GBA2: variants seen among roughly 807,000 people sequenced by gnomAD.
GBA2 encodes non-lysosomal glucosylceramidase.
Under a neutral mutation model 112.9 loss-of-function variants are expected in GBA2, and 79 were observed. The ratio of observed to expected loss-of-function variants is 0.70; its 90% confidence interval spans 0.58 to 0.84. GBA2 has a LOEUF of 0.84. Among genes scored for constraint, GBA2 ranks in the 40% least tolerant of loss-of-function variants. The pLI is 0.00. For missense variants in GBA2, 1,043 were observed against 1,190.0 expected (o/e 0.88, Z 1.82); for synonymous variants, 403 against 434.3 (o/e 0.93, Z 0.90).
In GBA2 at chr9:35,739,420, C is replaced by G. The variant is rs1390001797; in HGVS notation, c.1583-1G>C. On this transcript the variant is annotated splice_acceptor_variant, in intron 9 of 16. Coordinates refer to ENST00000378103, the MANE Select transcript of GBA2 (RefSeq NM_020944.3). LOFTEE classifies it high-confidence loss of function. The stretch of plus-strand genomic sequence containing the variant: ...GTGTTGTACATGCGGTACTCCTGGC[C>G]TGGAGGAATGAATGAGACACACTGT... 2 of 1,599,618 alleles carry G rather than the reference C, an allele frequency of 1.3e-6. No homozygotes were observed. The highest frequency in any genetic ancestry group is 4.5e-5 in the East Asian group (2 of 44,838).
At chr9:35,739,482 A>T in intron 9 of GBA2, 63 bp from the exon 10 acceptor site, 1 of 1,354,242 alleles carries the variant, frequency 7.4e-7, no homozygotes, top group Non-Finnish European at 1.1e-6. Context: ...ACCCCTCTGT[A>T]GCTTGTCCTC....
At position 35,738,265 on chromosome 9, in the gene GBA2, C is replaced by T; in HGVS notation, c.2164G>A (p.Gly722Ser). The change falls in exon 14 of 17, where the codon GGC (glycine) becomes AGC (serine). Residue 722 changes from glycine (G) to serine (S), a missense_variant. Coordinates refer to ENST00000378103, the MANE Select transcript of GBA2 (RefSeq NM_020944.3). ...AGCAGTCTCTCATAGGCTTCTTGGC[C>T]CCGGCTGAGGATAGAAGAAAACTTA... ...QDKFSSILSR[G>S]QEAYERLLWN... 6.2e-7 allele frequency: 1 copy of T among 1,614,160 alleles called. No individual in the cohort carries two copies. Among genetic ancestry groups the T allele is most frequent in the Admixed American group, 1.7e-5 (1 of 60,024 alleles).
In GBA2 at chr9:35,737,344, C is replaced by G; in HGVS notation, c.2609G>C (p.Arg870Pro). 6.2e-7 allele frequency: 1 copy of G among 1,614,180 alleles called. No individual in the cohort carries two copies. Among genetic ancestry groups the G allele is most frequent in the Middle Eastern group, 1.6e-4 (1 of 6,062 alleles). ...CATGTAGGCCAGTGAGCGGAACACT[C>G]GCTGCTGGCAGTATGCCTCTGGGGT... ...FQTPEAYCQQ[R>P]VFRSLAYMRP... The change falls in exon 17 of 17, where the codon CGA becomes CCA. Residue 870 changes from arginine to proline, a missense_variant. By Grantham distance (103) the Arg-to-Pro change is moderately radical (BLOSUM62 -2). Coordinates refer to ENST00000378103, the MANE Select transcript of GBA2 (RefSeq NM_020944.3). This position sits in a 1 kb window ranked among gnomAD's most constrained non-coding sequence, Gnocchi z 4.1.
intron 2 of GBA2, 78 bp from the exon 3 acceptor site, chr9:35,744,490 T>TTA: frequency 9.3e-7 from 1 of 1,072,246 alleles, no homozygotes; most frequent in Non-Finnish European, 1.5e-6. Context: ...CTATAAAGCC[T>TTA]GGTTCCTCTG....
Position 35,741,453 on chromosome 9 carries a change from C to G in GBA2, c.786+219G>C. 1 of 564,878 alleles carries G rather than the reference C, an allele frequency of 1.8e-6. No homozygotes were observed. The highest frequency in any genetic ancestry group is 2.0e-5 in the South Asian group (1 of 48,822). 35.0% of individuals were successfully genotyped at this position (564,878 alleles called of 1,614,324 possible). A position where few individuals can be genotyped will look rare whatever the true frequency, so the allele number is the denominator to read the frequency against. On this transcript the variant is annotated intron_variant, in intron 4 of 16. Transcript: ENST00000378103. The surrounding 1 kb of genome is among the most constrained non-coding windows in gnomAD (Gnocchi z 4.6). ...GGGACTACAGGTGCCTGCCACAACG[C>G]CCAGCTAATTTTTTTTTTTGTATTT...
At chr9:35,747,346 C>T (rs534959305) in intron 1 of GBA2, among the ~76,000 whole-genome samples, 6 of 152,236 alleles carry the variant, frequency 3.9e-5, no homozygotes, top group African/African-American at 1.4e-4. Context: ...TGGGGTCAAA[C>T]TTGGACTGAA....
rs752958819 is a variant in GBA2 at position 35,737,735 on chromosome 9, A to T, written c.2505+13T>A. ...ATACAGATGGTGGAGAGATGGGAAA[A>T]GGAGTGCATTACCTCTTGGATCATG... On this transcript the variant is annotated intron_variant, in intron 16 of 16. Transcript: ENST00000378103. This position sits in a 1 kb window ranked among gnomAD's most constrained non-coding sequence, Gnocchi z 4.1. The T allele has an allele frequency of 3.1e-6, 5 of 1,612,996 alleles. No individual in the cohort carries two copies. Among genetic ancestry groups the T allele is most frequent in the Non-Finnish European group, 4.2e-6 (5 of 1,178,926 alleles).
rs192573298 is a variant in GBA2, at chr9:35,740,784, G to A, written c.1026+41C>T. ...GAAGAGACCATGCTGGGGTGGAGGT[G>A]GGGTTCAGGGGCTAAGGTATAGGGC... On this transcript the variant is annotated intron_variant, in intron 5 of 16. Transcript: ENST00000378103. The surrounding 1 kb of genome is among the most constrained non-coding windows in gnomAD (Gnocchi z 4.7). The A allele has an allele frequency of 9.3e-6, 15 of 1,607,698 alleles. No individual in the cohort carries two copies. In the East Asian group the frequency reaches 2.9e-4, roughly 31 times the overall value.
intron 3 of GBA2, among the ~76,000 whole-genome samples, chr9:35,742,374 G>A (rs1380630883): frequency 6.6e-6 from 1 of 152,138 alleles, no homozygotes; most frequent in Non-Finnish European, 1.5e-5. Flanking sequence ...TGTTCCTTGA[G>A]CACACTACAT....
intron 3 of GBA2, among the ~76,000 whole-genome samples, chr9:35,742,334 C>G (rs1331033446): frequency 2.6e-5 from 4 of 152,166 alleles, no homozygotes; most frequent in Admixed American, 2.0e-4. Flanking sequence ...TGTTCAAGCA[C>G]CTATAGTCTG....
chr9:35,740,897 A>G lies in GBA2; in HGVS notation c.954T>C (p.Thr318=), dbSNP rs1475210063. The G allele has an allele frequency of 6.2e-7, 1 of 1,613,874 alleles. No homozygotes were observed. The highest frequency in any genetic ancestry group is 8.5e-7 in the Non-Finnish European group (1 of 1,179,898). The change falls in exon 5 of 17, where the codon ACT becomes ACC. Residue 318 remains threonine, a synonymous_variant. Transcript: ENST00000378103. This position sits in a 1 kb window ranked among gnomAD's most constrained non-coding sequence, Gnocchi z 4.7. ...EPFCLERSGE[T]VRGLLLHHPT... is the part of the protein sequence containing the mutation. ...GATGATGCAGGAGCAGCCCCCGGAC[A>G]GTTTCCCCGCTACGCTCCAGACAGA...
chr9:35,741,459 TA>T lies in GBA2; in HGVS notation c.786+212del, dbSNP rs1437627459. ...ACAGGTGCCTGCCACAACGCCCAGC[TA>T]ATTTTTTTTTTTGTATTTTTAGTAG... On this transcript the variant is annotated intron_variant, in intron 4 of 16. Transcript: ENST00000378103. The surrounding 1 kb of genome is among the most constrained non-coding windows in gnomAD (Gnocchi z 4.6). 3.6e-6 allele frequency: 2 copies of T among 561,262 alleles called. No homozygotes were observed. Among genetic ancestry groups the T allele is most frequent in the Non-Finnish European group, 6.4e-6 (2 of 313,056 alleles). 34.8% of individuals were successfully genotyped at this position (561,262 alleles called of 1,614,324 possible). A position where few individuals can be genotyped will look rare whatever the true frequency, so the allele number is the denominator to read the frequency against.
At chr9:35,742,707 C>T (rs1019467025) in intron 3 of GBA2, among the ~76,000 whole-genome samples, 1 of 152,230 alleles carries the variant, frequency 6.6e-6, no homozygotes, top group African/African-American at 2.4e-5. Context: ...CCACAGTATA[C>T]TATCCACCCC....
chr9:35,737,050 A>G lies in GBA2; in HGVS notation c.*119T>C. 6.8e-7 allele frequency: 1 copy of G among 1,464,662 alleles called. No individual in the cohort carries two copies. The allele number at this position is 1,464,662 out of a possible 1,614,324, so 90.7% of individuals were successfully genotyped here. A position where few individuals can be genotyped will look rare whatever the true frequency, so the allele number is the denominator to read the frequency against. On this transcript the variant is annotated 3_prime_UTR_variant, in exon 17 of 17. Coordinates refer to ENST00000378103, the MANE Select transcript of GBA2 (RefSeq NM_020944.3). The surrounding 1 kb of genome is among the most constrained non-coding windows in gnomAD (Gnocchi z 4.1). ...CATTTACTGGCACAATTGGGTGGAG[A>G]GAAGGGAAGGGGTATGATTGTCCTG...
In GBA2 at chr9:35,740,277, G is replaced by A. The variant is rs966842217; in HGVS notation, c.1215C>T (p.Arg405=). 5 of 1,614,020 alleles carry A rather than the reference G, an allele frequency of 3.1e-6. No individual in the cohort carries two copies. The highest frequency in any genetic ancestry group is 3.3e-5 in the Admixed American group (2 of 60,004). Residue 405 remains arginine (R), a synonymous_variant, in exon 7 of 17, where the codon CGC becomes CGT. Transcript: ENST00000378103. This position sits in a 1 kb window ranked among gnomAD's most constrained non-coding sequence, Gnocchi z 4.7. The part of the protein sequence containing the change: ...SSKLRPRGQC[R]LEFSLAWDMP... ...TGTCCCAAGCCAGTGAAAACTCCAGGCGGCACTGGCCTCGAGGTCGCAACT... is the reference window on the plus strand; with the variant it reads ...TGTCCCAAGCCAGTGAAAACTCCAGACGGCACTGGCCTCGAGGTCGCAACT...
rs1563957812 is a variant in GBA2 at position 35,738,760 on chromosome 9, C to T, written c.1939G>A (p.Val647Met). The change falls in exon 12 of 17, where the codon GTG (valine) becomes ATG (methionine). Residue 647 changes from valine (V) to methionine (M), a missense_variant. Coordinates refer to ENST00000378103, the MANE Select transcript of GBA2 (RefSeq NM_020944.3). ...GCATGTGCATCCCTTACTAGACACA[C>T]AGGCCACATGTCCTTCAGGAAGTTT... ...DQNFLKDMWP[V>M]CLAVMESEMK... 6.2e-7 allele frequency: 1 copy of T among 1,614,206 alleles called. No homozygotes were observed. The highest frequency in any genetic ancestry group is 8.5e-7 in the Non-Finnish European group (1 of 1,179,994).
At chr9:35,745,114 T>TA (rs1341747776) in intron 1 of GBA2, among the ~76,000 whole-genome samples, 6 of 152,040 alleles carry the variant, frequency 3.9e-5, no homozygotes. Flanking sequence ...TTATCTTTAT[T>TA]TTTATTATTT....
chr9:35,737,123 G>C lies in GBA2; in HGVS notation c.*46C>G, dbSNP rs1357836094. On this transcript the variant is annotated 3_prime_UTR_variant, in exon 17 of 17. Transcript: ENST00000378103. This position sits in a 1 kb window ranked among gnomAD's most constrained non-coding sequence, Gnocchi z 4.1. ...TCAGAGGGGAAGGAGGAAAGGCCAG[G>C]CTGGAGGCTGGGCTGTTAGCACTTC... 5 of 1,573,790 alleles carry C rather than the reference G, an allele frequency of 3.2e-6. No homozygotes were observed. The Admixed American group carries it at 8.6e-5, about 27-fold the overall frequency.
Position 35,748,885 on chromosome 9 carries a change from AAAG to A in GBA2, c.-184_-182del. 1 of 538,178 alleles carries A rather than the reference AAAG, an allele frequency of 1.9e-6. No individual in the cohort carries two copies. 33.3% of individuals were successfully genotyped at this position (538,178 alleles called of 1,614,324 possible). A position where few individuals can be genotyped will look rare whatever the true frequency, so the allele number is the denominator to read the frequency against. On this transcript the variant is annotated 5_prime_UTR_variant, in exon 1 of 17. Coordinates refer to ENST00000378103, the MANE Select transcript of GBA2 (RefSeq NM_020944.3). ...TTGCTTCAGTGGGGGCGGCGACAGC[AAAG>A]AAGCCGCCTTGGGCTCTCCTTCGGT...
Sources: allele counts gnomAD v4.1 joint callset (sites outside exome capture counted in the v4.1 genomes callset), GRCh38; gene constraint gnomAD v4.1.1; non-coding constraint Gnocchi (gnomAD v3.1); transcripts MANE v1.5; gene names NCBI Gene and HGNC (gene_info 2026-07-23, HGNC 2026-07-21).